The following PPFIA3 variants were observed in gnomAD, a reference collection of about 807,000 sequenced individuals.
PPFIA3 encodes the protein liprin-alpha-3.
Under a neutral mutation model 145.8 loss-of-function variants are expected in PPFIA3, and 26 were observed. That is an observed-to-expected ratio of 0.18 (90% CI 0.13 to 0.25). PPFIA3 has a LOEUF of 0.25. PPFIA3 is among the 10% of genes least tolerant of loss of function. The pLI is 1.00. For missense variants in PPFIA3, 1,008 were observed against 1,587.8 expected (o/e 0.63, Z 6.21); for synonymous variants, 645 against 661.4 (o/e 0.98, Z 0.38).
In PPFIA3 at chr19:49,148,239, A is replaced by G. The variant is rs1392925685; in HGVS notation, c.2992A>G (p.Met998Val). ...NKKELRGQLK[M>V]VDSFHRVSLH... ...GAAGGAGCTCCGGGGCCAACTCAAG[A>G]TGGTGGACAGCTTTCACAGGTGGGG... The change falls in exon 24 of 30, where the codon ATG (methionine) becomes GTG (valine). Residue 998 changes from methionine to valine, a missense_variant. Met to Val is a conservative substitution (Grantham distance 21). Coordinates refer to ENST00000334186, the MANE Select transcript of PPFIA3 (RefSeq NM_003660.4). The G allele has an allele frequency of 6.2e-7, 1 of 1,613,852 alleles. No homozygotes were observed. The highest frequency in any genetic ancestry group is 1.3e-5 in the African/African-American group (1 of 74,940).
At chr19:49,147,765 T>A (rs2041298397) in intron 23 of PPFIA3, among the ~76,000 whole-genome samples, 1 of 152,122 alleles carries the variant, frequency 6.6e-6, no homozygotes, top group African/African-American at 2.4e-5. Context: ...TCGAATCACC[T>A]GAGGGTCTTG....
chr19:49,135,040 TTTG>T (rs1568437402), intron 13 of PPFIA3, 125 bp downstream of exon 13: 78 of 746,132 alleles, frequency 1.0e-4, no homozygotes, highest in Non-Finnish European at 1.4e-4. Context: ...TTGTTTTTTG[TTTG>T]TTTGTTTGTT....
Position 49,120,767 on chromosome 19 carries a change from C to T in PPFIA3, c.-16+1045C>T, listed in dbSNP as rs970261390. Among the ~76,000 whole-genome samples, 3 of 152,214 alleles carry T rather than the reference C, an allele frequency of 2.0e-5. No homozygotes were observed. Among genetic ancestry groups the T allele is most frequent in the Non-Finnish European group, 4.4e-5 (3 of 68,034 alleles). The stretch of plus-strand genomic sequence containing the variant: ...CTTGGGGACCTAAATGTCTTGGTCC[C>T]AGTCTCCTATCCCCTCAGGGACCCA... On this transcript the variant is annotated intron_variant, in intron 1 of 29. Coordinates refer to ENST00000334186, the MANE Select transcript of PPFIA3 (RefSeq NM_003660.4). This position sits in a 1 kb window ranked among gnomAD's most constrained non-coding sequence, Gnocchi z 4.6.
At chr19:49,146,503 A>C in intron 23 of PPFIA3, 2 of 457,410 alleles carry the variant, frequency 4.4e-6, no homozygotes, top group Non-Finnish European at 7.9e-6. Context: ...CGGTGTCCCT[A>C]TAGTGGAGGG....
Position 49,127,839 on chromosome 19 carries a change from T to C in PPFIA3, c.-15-20T>C, listed in dbSNP as rs769452146. On this transcript the variant is annotated intron_variant, in intron 1 of 29. Transcript: ENST00000334186. ...TGCCTTGACAAGGCCGGTCTGTTCCTTGCCCTCCCCGCCCCGCAGGCCCGC... is the reference window on the plus strand; with the variant it reads ...TGCCTTGACAAGGCCGGTCTGTTCCCTGCCCTCCCCGCCCCGCAGGCCCGC... The C allele has an allele frequency of 1.6e-5, 26 of 1,588,116 alleles. No individual in the cohort carries two copies. In the African/African-American group the frequency reaches 3.1e-4, roughly 19 times the overall value.
intron 15 of PPFIA3, among the ~76,000 whole-genome samples, chr19:49,137,605 G>T (rs1778043756): frequency 8.7e-6 from 1 of 114,518 alleles, no homozygotes; most frequent in Non-Finnish European, 1.7e-5. Context: ...CTCCAGCCTG[G>T]GCTACAGAGC....
rs1222676196 is a variant in PPFIA3, at chr19:49,130,514, A to G, written c.794A>G (p.Gln265Arg). ...RLAVLCRQMS[Q>R]LEEELGTAHR... is the part of the protein sequence containing the mutation. ...GCGGTGCTGTGCCGTCAGATGAGCCAGCTGGAGGAGGAGTTGGGCACCGCG... is the reference window on the plus strand; with the variant it reads ...GCGGTGCTGTGCCGTCAGATGAGCCGGCTGGAGGAGGAGTTGGGCACCGCG... Residue 265 changes from glutamine (Q) to arginine (R), a missense_variant, in exon 7 of 30, where the codon CAG becomes CGG. Gln to Arg is a conservative substitution (Grantham distance 43, BLOSUM62 1). Coordinates refer to ENST00000334186, the MANE Select transcript of PPFIA3 (RefSeq NM_003660.4). This position sits in a 1 kb window ranked among gnomAD's most constrained non-coding sequence, Gnocchi z 4.5. 6.3e-7 allele frequency: 1 copy of G among 1,593,966 alleles called. No homozygotes were observed. The highest frequency in any genetic ancestry group is 8.5e-7 in the Non-Finnish European group (1 of 1,171,164).
At chr19:49,139,395 AG>A (rs1439146201) in intron 16 of PPFIA3, among the ~76,000 whole-genome samples, 2 of 149,994 alleles carry the variant, frequency 1.3e-5, no homozygotes, top group African/African-American at 2.5e-5. Flanking sequence ...AGGCTGAGGC[AG>A]GAGAATCTCT....
chr19:49,136,720 A>T lies in PPFIA3; in HGVS notation c.1666-4A>T, dbSNP rs754834512. On this transcript the variant is annotated splice_polypyrimidine_tract_variant and splice_region_variant and intron_variant, in intron 14 of 29. Coordinates refer to ENST00000334186, the MANE Select transcript of PPFIA3 (RefSeq NM_003660.4). ...AATGTCCCTCTGTCCCCACACAGGG[A>T]TAGGATTGGGAGCGGTCTGCCCCTG... 2.4e-5 allele frequency: 35 copies of T among 1,467,334 alleles called. No individual in the cohort carries two copies. Among genetic ancestry groups the T allele is most frequent in the Non-Finnish European group, 1.9e-5 (21 of 1,094,858 alleles). 90.9% of individuals were successfully genotyped at this position (1,467,334 alleles called of 1,614,324 possible).
intron 1 of PPFIA3, among the ~76,000 whole-genome samples, chr19:49,124,076 A>G (rs940007070): frequency 6.6e-6 from 1 of 151,118 alleles, no homozygotes; most frequent in African/African-American, 2.4e-5. Context: ...TCCCCGCCCT[A>G]TAGACACTTG....
In PPFIA3 at chr19:49,138,090, C is replaced by A. The variant is rs75728830; in HGVS notation, c.1854-115C>A. On this transcript the variant is annotated intron_variant, in intron 15 of 29. Transcript: ENST00000334186. ...CCAAAGTCCTCTGACGTCATTGCAC[C>A]GTCCCCAGAATTCCCATTGCCCCAC... 3.4e-5 allele frequency: 48 copies of A among 1,407,470 alleles called. 1 individual carries two copies. In the South Asian group the frequency reaches 7.8e-4, roughly 23 times the overall value. The allele number at this position is 1,407,470 out of a possible 1,614,324, so 87.2% of individuals were successfully genotyped here. A position where few individuals can be genotyped will look rare whatever the true frequency, so the allele number is the denominator to read the frequency against.
At chr19:49,123,509 C>G (rs906535181) in intron 1 of PPFIA3, among the ~76,000 whole-genome samples, 2 of 151,918 alleles carry the variant, frequency 1.3e-5, no homozygotes, top group Admixed American at 1.3e-4. Context: ...GACGCAATCC[C>G]GGCTCACTGC....
chr19:49,148,891 G>C (rs1289072840), intron 25 of PPFIA3, 102 bp from the exon 26 acceptor site: 2 of 1,569,562 alleles, frequency 1.3e-6, no homozygotes, highest in African/African-American at 2.7e-5. Context: ...AGCCAGCGTG[G>C]GGGGCGTGGC....
chr19:49,132,455 A>G (rs570651094), intron 7 of PPFIA3, among the ~76,000 whole-genome samples: 8 of 148,874 alleles, frequency 5.4e-5, no homozygotes, highest in African/African-American at 1.7e-4. Flanking sequence ...CTGGGATTTT[A>G]AGCCTGGATA....
intron 1 of PPFIA3, 112 bp downstream of exon 1, chr19:49,119,834 A>G (rs1293038888): frequency 6.6e-6 from 1 of 150,382 alleles, no homozygotes; most frequent in African/African-American, 2.5e-5. Context: ...GGGACCCCCG[A>G]GCCCAGATTT....
rs570094971 is a variant in PPFIA3 at position 49,129,958 on chromosome 19, G to C, written c.583-35G>C. ...AGAACTAGAGCTGGGGGTTCAGGGA[G>C]CCCCTGTGCTCTGATTCCCCTTTCA... On this transcript the variant is annotated intron_variant, in intron 5 of 29. Coordinates refer to ENST00000334186, the MANE Select transcript of PPFIA3 (RefSeq NM_003660.4). 4 of 1,602,794 alleles carry C rather than the reference G, an allele frequency of 2.5e-6. No homozygotes were observed. In the African/African-American group the frequency reaches 5.4e-5, roughly 21 times the overall value.
intron 20 of PPFIA3, among the ~76,000 whole-genome samples, chr19:49,142,374 T>G (rs1029453288): frequency 6.6e-6 from 1 of 152,124 alleles, no homozygotes; most frequent in Admixed American, 6.5e-5. Context: ...CTACTCTCTC[T>G]TTCTGGATTC....
rs777959324 is a variant in PPFIA3 at position 49,136,733 on chromosome 19, C to T, written c.1675C>T (p.Arg559Trp). 4.6e-6 allele frequency: 7 copies of T among 1,515,770 alleles called. No homozygotes were observed. The highest frequency in any genetic ancestry group is 1.3e-5 in the South Asian group (1 of 78,382). 93.9% of individuals were successfully genotyped at this position (1,515,770 alleles called of 1,614,324 possible). Residue 559 changes from arginine (R) to tryptophan (W), a missense_variant, in exon 15 of 30, where the codon CGG becomes TGG. Physicochemically the swap from Arg to Trp is moderately radical, Grantham distance 101. Transcript: ENST00000334186. Reference sequence around the variant, plus strand: ...CCCCACACAGGGATAGGATTGGGAGCGGTCTGCCCCTGCGGGCTCCATACC... The same window carrying T: ...CCCCACACAGGGATAGGATTGGGAGTGGTCTGCCCCTGCGGGCTCCATACC... ...VKEEPSKDWE[R>W]SAPAGSIPPP...
At chr19:49,131,146 G>A (rs934175476) in intron 7 of PPFIA3, among the ~76,000 whole-genome samples, 1 of 137,462 alleles carries the variant, frequency 7.3e-6, no homozygotes, top group African/African-American at 2.7e-5. Context: ...TTACAGTAGT[G>A]AGCCACCGCA....
Sources: allele counts gnomAD v4.1 joint callset (sites outside exome capture counted in the v4.1 genomes callset), GRCh38; gene constraint gnomAD v4.1.1; non-coding constraint Gnocchi (gnomAD v3.1); transcripts MANE v1.5; gene names NCBI Gene and HGNC (gene_info 2026-07-23, HGNC 2026-07-21).